Variants in NOTCH3 observed in about 807,000 individuals in gnomAD.
NOTCH3 encodes neurogenic locus notch homolog protein 3.
Under a neutral mutation model 213.3 loss-of-function variants are expected in NOTCH3, and 86 were observed. The ratio of observed to expected loss-of-function variants is 0.40; its 90% CI spans 0.34 to 0.48. The LOEUF is 0.48. Among genes scored for constraint, NOTCH3 ranks in the 20% least tolerant of loss-of-function variants. NOTCH3 has a pLI of 0.57. For synonymous variants in NOTCH3, 1,354 were observed against 1,355.9 expected, an observed-to-expected ratio of 1.00 and a Z score of 0.03; for missense variants, 2,783 against 3,272.6, an observed-to-expected ratio of 0.85 and a Z score of 3.65.
intron 24 of NOTCH3, among the ~76,000 whole-genome samples, chr19:15,175,045 C>T (rs945534281): frequency 2.0e-5 from 3 of 152,160 alleles, no homozygotes; most frequent in South Asian, 4.1e-4. Flanking sequence ...ACCACACTCC[C>T]GGCCTCACTG....
In NOTCH3 at chr19:15,160,665, G is replaced by A. The variant is rs771070171; in HGVS notation, c.6963C>T (p.Ala2321=). The part of the protein sequence containing the change: ...PEVTPKRQVL[A] The stretch of plus-strand genomic sequence containing the variant: ...GATCTAAGAACTGACGAGCGTCTCA[G>A]GCCAACACTTGCCTCTTGGGGGTAA... The change falls in exon 33 of 33, where the codon GCC becomes GCT. Residue 2321 remains alanine, a synonymous_variant. Transcript: ENST00000263388. 1.2e-6 allele frequency: 2 copies of A among 1,613,364 alleles called. No individual in the cohort carries two copies. Among genetic ancestry groups the A allele is most frequent in the Admixed American group, 1.7e-5 (1 of 60,026 alleles).
rs2145432854 is a variant in NOTCH3, at chr19:15,187,160, G to A, written c.1785C>T (p.Gly595=). 2 of 1,614,152 alleles carry A rather than the reference G, an allele frequency of 1.2e-6. No individual in the cohort carries two copies. The highest frequency in any genetic ancestry group is 1.7e-6 in the Non-Finnish European group (2 of 1,180,018). ...ECRSQPCRHG[G]KCLDLVDKYL... ...ACTTGTCCACCAGGTCTAGGCATTT[G>A]CCGCCATGGCGGCAGGGCTGGCTGC... is the stretch of plus-strand genomic sequence containing the variant. Residue 595 remains glycine, a synonymous_variant, in exon 11 of 33, where the codon GGC becomes GGT. Coordinates refer to ENST00000263388, the MANE Select transcript of NOTCH3 (RefSeq NM_000435.3).
chr19:15,174,021 C>T, intron 25 of NOTCH3, 47 bp downstream of exon 25: 1 of 1,448,500 alleles, frequency 6.9e-7, no homozygotes, highest in Non-Finnish European at 9.4e-7. Context: ...TCAACAGCAT[C>T]TCTCCTCTCC....
At chr19:15,180,346 G>A in intron 19 of NOTCH3, 90 bp from the exon 20 acceptor site, 2 of 1,426,194 alleles carry the variant, frequency 1.4e-6, no homozygotes, top group Non-Finnish European at 1.9e-6. Flanking sequence ...ATCCTTGGTG[G>A]AATGAGTCCC....
At chr19:15,182,787 C>T (rs1272571215) in intron 16 of NOTCH3, among the ~76,000 whole-genome samples, 2 of 152,002 alleles carry the variant, frequency 1.3e-5, no homozygotes. Context: ...AGATTACAGG[C>T]ATGTGCCACC....
rs926575775 is a variant in NOTCH3, at chr19:15,161,877, T to C, written c.5914-163A>G. The stretch of plus-strand genomic sequence containing the variant: ...GGGGGAGCCTGGACAAGTTCTTTCC[T>C]CTAAACCACATTCATCCATCACCTA... On this transcript the variant is annotated intron_variant, in intron 32 of 32. Coordinates refer to ENST00000263388, the MANE Select transcript of NOTCH3 (RefSeq NM_000435.3). Among the ~76,000 whole-genome samples, 6 of 151,816 alleles carry C rather than the reference T, an allele frequency of 4.0e-5. No individual in the cohort carries two copies. In the East Asian group the frequency reaches 7.7e-4, roughly 20 times the overall value.
intron 19 of NOTCH3, 84 bp from the exon 20 acceptor site, chr19:15,180,340 T>G: frequency 6.9e-7 from 1 of 1,454,506 alleles, no homozygotes; most frequent in Non-Finnish European, 9.5e-7. Context: ...TTCAACATCC[T>G]TGGTGGAATG....
At position 15,161,531 on chromosome 19, in the gene NOTCH3, G is replaced by A. The variant is rs375213868; in HGVS notation, c.6097C>T (p.Pro2033Ser). ...GGCCCCAGGCCGTGGGGACCGGGGG[G>A]GCTGCGGGGCCCACTGGGTTGATCC... ...LLDQPSGPRSPPGPHGLGPLL... is the reference protein window; with the variant it reads ...LLDQPSGPRSSPGPHGLGPLL... Residue 2033 changes from proline (P) to serine (S), a missense_variant, in exon 33 of 33, where the codon CCC becomes TCC. Around this residue, in one of 6 missense-constraint regions of NOTCH3, gnomAD observed 441 missense variants for 432.1 expected, o/e 1.02. Coordinates refer to ENST00000263388, the MANE Select transcript of NOTCH3 (RefSeq NM_000435.3). The A allele has an allele frequency of 4.4e-5, 70 of 1,602,466 alleles. No individual in the cohort carries two copies. Among genetic ancestry groups the A allele is most frequent in the East Asian group, 1.3e-4 (6 of 44,500 alleles).
In NOTCH3 at chr19:15,184,292, C is replaced by A; in HGVS notation, c.2566+3G>T. 6.2e-7 allele frequency: 1 copy of A among 1,613,746 alleles called. No individual in the cohort carries two copies. Among genetic ancestry groups the A allele is most frequent in the South Asian group, 1.1e-5 (1 of 91,080 alleles). ...GCACCCCCAAGAGCTCCCCTGCACTCACTGGGGTCACAGTCATTGATGTCC... is the reference window on the plus strand; with the variant it reads ...GCACCCCCAAGAGCTCCCCTGCACTAACTGGGGTCACAGTCATTGATGTCC... On this transcript the variant is annotated splice_donor_region_variant and intron_variant, in intron 16 of 32. Transcript: ENST00000263388.
chr19:15,191,596 C>G lies in NOTCH3; in HGVS notation c.864G>C (p.Gly288=), dbSNP rs772371051. 1.5e-5 allele frequency: 25 copies of G among 1,613,800 alleles called. No individual in the cohort carries two copies. Among genetic ancestry groups the G allele is most frequent in the Non-Finnish European group, 1.9e-5 (22 of 1,180,042 alleles). The change falls in exon 6 of 33, where the codon GGG becomes GGC. Residue 288 remains glycine (G), a synonymous_variant. Coordinates refer to ENST00000263388, the MANE Select transcript of NOTCH3 (RefSeq NM_000435.3). The part of the protein sequence containing the change: ...CQLQPNACHN[G]GTCFNTLGGH... ...CACCCAGCGTGTTGAAGCAGGTACC[C>G]CCATTGTGGCAGGCGTTGGGCTGCA...
chr19:15,186,803 G>T, intron 12 of NOTCH3, 75 bp downstream of exon 12: 2 of 1,207,564 alleles, frequency 1.7e-6, no homozygotes, highest in Non-Finnish European at 2.5e-6. Context: ...AAAGATACGG[G>T]CAAAACAGGC....
chr19:15,178,990 C>A (rs1039104067), intron 22 of NOTCH3, 35 bp downstream of exon 22: 2 of 1,614,002 alleles, frequency 1.2e-6, no homozygotes, highest in African/African-American at 2.7e-5. Flanking sequence ...GAATGACAGG[C>A]GGGGTCCCAG....
intron 12 of NOTCH3, among the ~76,000 whole-genome samples, chr19:15,186,485 G>A (rs549719457): frequency 2.0e-5 from 3 of 151,318 alleles, no homozygotes; most frequent in South Asian, 2.1e-4. Flanking sequence ...GCTCACTGCC[G>A]CCTCCGCCTC....
chr19:15,170,016 T>C, intron 28 of NOTCH3, 70 bp downstream of exon 28: 2 of 857,772 alleles, frequency 2.3e-6, no homozygotes, highest in Non-Finnish European at 3.9e-6. Flanking sequence ...CATCATCCAC[T>C]GGGGACCCCA....
chr19:15,185,401 A>T lies in NOTCH3; in HGVS notation c.2152T>A (p.Cys718Ser). The T allele has an allele frequency of 6.2e-7, 1 of 1,612,140 alleles. No homozygotes were observed. The highest frequency in any genetic ancestry group is 8.5e-7 in the Non-Finnish European group (1 of 1,179,464). The change falls in exon 14 of 33, where the codon TGT becomes AGT. Residue 718 changes from cysteine (C) to serine (S), a missense_variant. Coordinates refer to ENST00000263388, the MANE Select transcript of NOTCH3 (RefSeq NM_000435.3). The surrounding 1 kb of genome is among the most constrained non-coding windows in gnomAD (Gnocchi z 4.2). ...ICYDAPGGFR[C>S]VCEPGWSGPR... is the part of the protein sequence containing the mutation. The stretch of plus-strand genomic sequence containing the variant: ...CCACTCCAGCCAGGCTCACACACAC[A>T]GCGGAACCTGGCAGGGGAAGGTAGT...
At chr19:15,187,771 C>A in intron 10 of NOTCH3, 110 bp downstream of exon 10, 1 of 850,500 alleles carries the variant, frequency 1.2e-6, no homozygotes, top group Non-Finnish European at 2.0e-6. Flanking sequence ...GTCACTGGGT[C>A]CTGCCTTGCT....
At chr19:15,164,356 A>G (rs571415091) in intron 31 of NOTCH3, among the ~76,000 whole-genome samples, 4 of 152,248 alleles carry the variant, frequency 2.6e-5, no homozygotes, top group African/African-American at 9.6e-5. Context: ...CCTGGCCAAC[A>G]TTGCGAAACC....
intron 27 of NOTCH3, 23 bp downstream of exon 27, chr19:15,170,308 C>T (rs779801323): frequency 6.2e-7 from 1 of 1,605,228 alleles, no homozygotes; most frequent in Non-Finnish European, 8.5e-7. Context: ...TAGTCAGGGA[C>T]AGGGAGCGAG....
chr19:15,180,190 CAGT>C lies in NOTCH3; in HGVS notation c.3206_3208del (p.Tyr1069del). 6.2e-7 allele frequency: 1 copy of C among 1,613,894 alleles called. No homozygotes were observed. The highest frequency in any genetic ancestry group is 8.5e-7 in the Non-Finnish European group (1 of 1,179,986). ...ACCAGTACGGCCCTCTGGGCACACG[CAGT>C]AGTGGGAGCTGTCTTCATCCACACA... is the stretch of plus-strand genomic sequence containing the variant. On this transcript the variant is annotated inframe_deletion, in exon 20 of 33. Transcript: ENST00000263388.
Sources: allele counts gnomAD v4.1 joint callset (sites outside exome capture counted in the v4.1 genomes callset), GRCh38; gene constraint gnomAD v4.1.1; regional missense constraint gnomAD v4.1.1; non-coding constraint Gnocchi (gnomAD v3.1); transcripts MANE v1.5; gene names NCBI Gene and HGNC (gene_info 2026-07-23, HGNC 2026-07-21).